Variants in SVOP observed in about 807,000 individuals in gnomAD.
The protein encoded by SVOP is synaptic vesicle 2-related protein.
A neutral mutation model predicts 69.1 loss-of-function variants in SVOP; 17 were observed. The ratio of observed to expected loss-of-function variants is 0.25; its 90% CI spans 0.17 to 0.37. The LOEUF is 0.37. Among genes scored for constraint, SVOP ranks in the 10% least tolerant of loss-of-function variants. The pLI is 1.00. For synonymous variants in SVOP, 238 were observed against 238.6 expected (o/e 1.00, Z 0.02); for missense variants, 435 against 597.5 (o/e 0.73, Z 2.84).
intron 11 of SVOP, among the ~76,000 whole-genome samples, chr12:108,925,959 C>A (rs1566048674): frequency 6.6e-6 from 1 of 151,152 alleles, no homozygotes; most frequent in Non-Finnish European, 1.5e-5. Flanking sequence ...CACTTTGTCA[C>A]CCAGGCTGGA....
chr12:108,914,286 G>A (rs1423770365), intron 15 of SVOP, among the ~76,000 whole-genome samples: 1 of 152,132 alleles, frequency 6.6e-6, no homozygotes, highest in Non-Finnish European at 1.5e-5. Flanking sequence ...TAGAAGCAGT[G>A]GTTGCCCAAC....
chr12:108,912,214 G>A lies in SVOP; in HGVS notation c.*321C>T, dbSNP rs1024202620. On this transcript the variant is annotated 3_prime_UTR_variant, in exon 16 of 16. Transcript: ENST00000610966. ...TTGGTTGTTCACTGAGGGTTTGGCC[G>A]GGTGACTCTGGGTGGTGTCTGATTG... The A allele has an allele frequency of 2.3e-5, 28 of 1,201,728 alleles. No homozygotes were observed. The highest frequency in any genetic ancestry group is 3.4e-4 in the Middle Eastern group (1 of 2,938). The allele number at this position is 1,201,728 out of a possible 1,614,324, so 74.4% of individuals were successfully genotyped here. A position where few individuals can be genotyped will look rare whatever the true frequency, so the allele number is the denominator to read the frequency against.
At chr12:108,962,556 C>T (rs1381294993) in intron 5 of SVOP, among the ~76,000 whole-genome samples, 2 of 152,116 alleles carry the variant, frequency 1.3e-5, no homozygotes, top group Non-Finnish European at 1.5e-5. Flanking sequence ...TCAAGGGATC[C>T]TCCTACCTCA....
intron 5 of SVOP, 61 bp from the exon 6 acceptor site, chr12:108,961,108 A>C (rs1593191817): frequency 6.7e-7 from 1 of 1,494,114 alleles, no homozygotes. Flanking sequence ...TAGCGTTTGC[A>C]CCTCACTGAG....
At chr12:109,001,809 C>T (rs2040272230) in intron 1 of SVOP, among the ~76,000 whole-genome samples, 1 of 151,974 alleles carries the variant, frequency 6.6e-6, no homozygotes, top group Non-Finnish European at 1.5e-5. Flanking sequence ...AAAATCAATT[C>T]AAGATGGATT....
At chr12:108,987,630 A>C (rs2040173069) in intron 1 of SVOP, among the ~76,000 whole-genome samples, 1 of 152,190 alleles carries the variant, frequency 6.6e-6, no homozygotes, top group South Asian at 2.1e-4. Context: ...GCTTGATAAC[A>C]GCCATCCTAA....
At chr12:108,934,749 C>T (rs1348125988) in intron 10 of SVOP, among the ~76,000 whole-genome samples, 5 of 152,162 alleles carry the variant, frequency 3.3e-5, no homozygotes, top group Non-Finnish European at 5.9e-5. Context: ...TGCTACACTC[C>T]CACCAGTGCC....
At chr12:108,943,377 C>T (rs867090656) in intron 7 of SVOP, among the ~76,000 whole-genome samples, 3 of 151,680 alleles carry the variant, frequency 2.0e-5, no homozygotes, top group Non-Finnish European at 4.4e-5. Context: ...GTGGGTGGCT[C>T]ATGAGGTCAG....
At chr12:108,919,882 G>A in intron 12 of SVOP, 96 bp from the exon 13 acceptor site, 3 of 804,566 alleles carry the variant, frequency 3.7e-6, no homozygotes, top group Non-Finnish European at 6.1e-6. Flanking sequence ...TCCCCTGGAG[G>A]GTGGACTAGA....
At chr12:108,983,527 C>A (rs1024921779) in intron 2 of SVOP, 74 bp downstream of exon 2, 14 of 398,546 alleles carry the variant, frequency 3.5e-5, no homozygotes, top group African/African-American at 2.7e-4. Context: ...CACATTACCC[C>A]TCTGAAATTG....
chr12:108,934,995 G>A (rs117339857), intron 10 of SVOP, among the ~76,000 whole-genome samples: 1 of 152,242 alleles, frequency 6.6e-6, no homozygotes, highest in Non-Finnish European at 1.5e-5. Flanking sequence ...ATTATTTCTT[G>A]CATGAAATCC....
In SVOP at chr12:108,921,577, G is replaced by A. The variant is rs1434439244; in HGVS notation, c.1156+1113C>T. Among the ~76,000 whole-genome samples the A allele has an allele frequency of 6.6e-5, 10 of 152,262 alleles. No individual in the cohort carries two copies. In the East Asian group the frequency reaches 1.9e-3, roughly 29 times the overall value. On this transcript the variant is annotated intron_variant, in intron 12 of 15. Transcript: ENST00000610966. The stretch of plus-strand genomic sequence containing the variant: ...AAGCCAGCATAGAACATGCGCCTTG[G>A]AGTTTTCCTGCTGATGGGCAAGGAC...
chr12:108,912,218 G>A lies in SVOP; in HGVS notation c.*317C>T, dbSNP rs1430944781. The A allele has an allele frequency of 8.2e-7, 1 of 1,218,628 alleles. No individual in the cohort carries two copies. Among genetic ancestry groups the A allele is most frequent in the East Asian group, 4.2e-5 (1 of 23,970 alleles). 75.5% of individuals were successfully genotyped at this position (1,218,628 alleles called of 1,614,324 possible). On this transcript the variant is annotated 3_prime_UTR_variant, in exon 16 of 16. Transcript: ENST00000610966. ...TTGTTCACTGAGGGTTTGGCCGGGT[G>A]ACTCTGGGTGGTGTCTGATTGGTTG...
chr12:108,920,876 C>T (rs573275176), intron 12 of SVOP, among the ~76,000 whole-genome samples: 1 of 152,262 alleles, frequency 6.6e-6, no homozygotes, highest in Non-Finnish European at 1.5e-5. Flanking sequence ...GGATTACAGG[C>T]ATGAGCCACC....
chr12:108,913,276 G>A (rs2039696409), intron 15 of SVOP, among the ~76,000 whole-genome samples: 1 of 152,060 alleles, frequency 6.6e-6, no homozygotes, highest in Non-Finnish European at 1.5e-5. Flanking sequence ...GGTCAGGCTG[G>A]TCTCGAACTC....
chr12:108,918,492 CT>C lies in SVOP; in HGVS notation c.1269-369del, dbSNP rs2039728049. On this transcript the variant is annotated intron_variant, in intron 13 of 15. Coordinates refer to ENST00000610966, the MANE Select transcript of SVOP (RefSeq NM_018711.5). ...GGAAAGTAAACCACTATTTAGTATT[CT>C]TAGGATAATTCTGATCCCAACCCTC... is the stretch of plus-strand genomic sequence containing the variant. Among the ~76,000 whole-genome samples the C allele has an allele frequency of 5.9e-5, 9 of 152,274 alleles. No individual in the cohort carries two copies. In the South Asian group the frequency reaches 1.9e-3, roughly 32 times the overall value.
Position 108,960,925 on chromosome 12 carries a change from C to T in SVOP, c.576G>A (p.Gln192=). Residue 192 remains glutamine, a splice_region_variant and synonymous_variant, in exon 6 of 16, where the codon CAG becomes CAA. Coordinates refer to ENST00000610966, the MANE Select transcript of SVOP (RefSeq NM_018711.5). ...LVGFGIGGVP[Q]SVTLYAEFLP... The stretch of plus-strand genomic sequence containing the variant: ...GCCAGCACTGGGTATTTACTTACGA[C>T]TGGGGAACTCCTCCGATCCCGAAGC... 2 of 1,536,962 alleles carry T rather than the reference C, an allele frequency of 1.3e-6. No individual in the cohort carries two copies. The highest frequency in any genetic ancestry group is 1.7e-6 in the Non-Finnish European group (2 of 1,146,778).
intron 1 of SVOP, among the ~76,000 whole-genome samples, chr12:109,006,074 A>G (rs894358784): frequency 6.6e-6 from 1 of 151,888 alleles, no homozygotes; most frequent in Non-Finnish European, 1.5e-5. Flanking sequence ...TTGTTTGAGA[A>G]AGAGTCTCAC....
chr12:108,945,030 G>T, intron 7 of SVOP, 73 bp downstream of exon 7: 1 of 1,378,964 alleles, frequency 7.3e-7, no homozygotes, highest in Non-Finnish European at 9.9e-7. Context: ...TCCTTGACCT[G>T]TGGTTCAAGA....
Sources: allele counts gnomAD v4.1 joint callset (sites outside exome capture counted in the v4.1 genomes callset), GRCh38; gene constraint gnomAD v4.1.1; transcripts MANE v1.5; gene names NCBI Gene and HGNC (gene_info 2026-07-23, HGNC 2026-07-21).